GJC3: variants seen among roughly 807,000 people sequenced by gnomAD.
GJC3 encodes gap junction protein gamma 3.
GJC3 carries 17 observed loss-of-function variants against 19.8 expected under a neutral mutation model. The ratio of observed to expected loss-of-function variants is 0.86; its 90% CI spans 0.59 to 1.29. GJC3 has a LOEUF of 1.29. Ranked by LOEUF, GJC3 falls within the 50% of genes most tolerant of loss-of-function variation. The pLI, the probability that GJC3 is intolerant of heterozygous loss-of-function variation, is 0.00. For missense variants in GJC3, 317 were observed against 332.5 expected (o/e 0.95, Z 0.36); for synonymous variants, 140 against 136.5 (o/e 1.03, Z -0.18).
upstream of GJC3, chr7:99,929,843 C>T (rs938800196): frequency 1.3e-5 from 8 of 604,230 alleles, no homozygotes; most frequent in South Asian, 1.6e-4. Flanking sequence ...TGGTGTGGCT[C>T]TCTCTTCTGC....
intron 1 of GJC3, among the ~76,000 whole-genome samples, chr7:99,926,703 GT>G (rs954884969): frequency 7.2e-5 from 11 of 152,074 alleles, no homozygotes; most frequent in Non-Finnish European, 1.5e-5. Flanking sequence ...AGGGGGTAGG[GT>G]TTTTTTAAGT....
At chr7:99,927,602 G>A (rs762148676) in intron 1 of GJC3, among the ~76,000 whole-genome samples, 19 of 151,748 alleles carry the variant, frequency 1.3e-4, no homozygotes, top group Non-Finnish European at 1.8e-4. Context: ...GAATTTCAGG[G>A]CAAGAGAAAA....
chr7:99,927,218 T>C (rs888959460), intron 1 of GJC3, among the ~76,000 whole-genome samples: 5 of 152,216 alleles, frequency 3.3e-5, no homozygotes, highest in African/African-American at 1.2e-4. Context: ...CAAGGAAAGT[T>C]AGAGTTTTCC....
Position 99,928,939 on chromosome 7 carries a change from A to G in GJC3, c.682T>C (p.Ser228Pro). 1.2e-6 allele frequency: 2 copies of G among 1,614,160 alleles called. No homozygotes were observed. The highest frequency in any genetic ancestry group is 1.7e-6 in the Non-Finnish European group (2 of 1,180,022). ...WWRTWKHKSSSSKYFLTSEST... is the reference protein window; with the variant it reads ...WWRTWKHKSSPSKYFLTSEST... ...TCTGAAGTTAGGAAGTATTTAGAAGAGGAAGATTTGTGCTTCCAGGTCCTC... is the reference window on the plus strand; with the variant it reads ...TCTGAAGTTAGGAAGTATTTAGAAGGGGAAGATTTGTGCTTCCAGGTCCTC... Residue 228 changes from serine to proline, a missense_variant, in exon 1 of 2, where the codon TCT (serine) becomes CCT (proline). Coordinates refer to ENST00000312891, the MANE Select transcript of GJC3 (RefSeq NM_181538.3).
intron 1 of GJC3, among the ~76,000 whole-genome samples, chr7:99,926,433 ATAAACAAAATGTGGTATCTCCT>A (rs1819801148): frequency 6.6e-6 from 1 of 152,212 alleles, no homozygotes; most frequent in Admixed American, 6.5e-5. Context: ...TGAAGAATGT[ATAAACAAAATGTGGTATCTCCT>A]TAAACAAAAT....
chr7:99,926,931 AAG>A (rs1290620388), intron 1 of GJC3, among the ~76,000 whole-genome samples: 1 of 152,228 alleles, frequency 6.6e-6, no homozygotes, highest in Admixed American at 6.5e-5. Flanking sequence ...TTGAAAACCA[AAG>A]TACACGCCAC....
At chr7:99,927,552 T>C (rs193178793) in intron 1 of GJC3, among the ~76,000 whole-genome samples, 431 of 151,310 alleles carry the variant, frequency 2.8e-3, no homozygotes, top group Middle Eastern at 0.01. Flanking sequence ...TAATTTGGGA[T>C]TCAGAAAGAG....
Position 99,929,095 on chromosome 7 carries a change from C to T in GJC3, c.526G>A (p.Gly176Ser). Residue 176 changes from glycine (G) to serine (S), a missense_variant, in exon 1 of 2, where the codon GGT becomes AGT. Transcript: ENST00000312891. ...SFACRREPCL[G>S]SITCNLSRPS... Reference sequence around the variant, plus strand: ...CGGGACAGATTGCAGGTTATACTACCAAGGCAAGGTTCTCGGCGACATGCA... The same window carrying T: ...CGGGACAGATTGCAGGTTATACTACTAAGGCAAGGTTCTCGGCGACATGCA... 6.2e-7 allele frequency: 1 copy of T among 1,613,922 alleles called. No individual in the cohort carries two copies. The highest frequency in any genetic ancestry group is 2.2e-5 in the East Asian group (1 of 44,870).
At chr7:99,925,476 A>C (rs995869444) in intron 1 of GJC3, among the ~76,000 whole-genome samples, 4 of 152,212 alleles carry the variant, frequency 2.6e-5, no homozygotes, top group African/African-American at 9.6e-5. Context: ...ATGGCTGTGA[A>C]TTAGGCAATA....
chr7:99,929,310 T>G lies in GJC3; in HGVS notation c.311A>C (p.Glu104Ala). 6.2e-7 allele frequency: 1 copy of G among 1,613,914 alleles called. No individual in the cohort carries two copies. Among genetic ancestry groups the G allele is most frequent in the Non-Finnish European group, 8.5e-7 (1 of 1,179,970 alleles). The part of the protein sequence containing the change: ...FTLYHVIWHW[E>A]LSGKGKEEET... The stretch of plus-strand genomic sequence containing the variant: ...CTCCTCCTTCCCCTTTCCTGATAAT[T>G]CCCAGTGCCAGATCACGTGATACAG... The change falls in exon 1 of 2, where the codon GAA becomes GCA. Residue 104 changes from glutamate to alanine, a missense_variant. Transcript: ENST00000312891.
chr7:99,925,106 A>C (rs1176911079), intron 1 of GJC3, among the ~76,000 whole-genome samples: 2 of 152,218 alleles, frequency 1.3e-5, no homozygotes, highest in African/African-American at 4.8e-5. Flanking sequence ...CAACAGGGTG[A>C]TTACAGTCAA....
chr7:99,930,059 C>T (rs1448670743), upstream of GJC3, among the ~76,000 whole-genome samples: 1 of 152,214 alleles, frequency 6.6e-6, no homozygotes, highest in Non-Finnish European at 1.5e-5. Flanking sequence ...GCTCCTACAG[C>T]ATCATCTTAA....
At chr7:99,929,636 A>G, upstream of GJC3, 3 of 1,591,778 alleles carry the variant, frequency 1.9e-6, no homozygotes, top group Non-Finnish European at 1.7e-6. Flanking sequence ...TTTGGAGCAG[A>G]GGACAAGAGA....
In GJC3 at chr7:99,929,517, A is replaced by C; in HGVS notation, c.104T>G (p.Leu35Arg). The C allele has an allele frequency of 6.2e-7, 1 of 1,614,174 alleles. No homozygotes were observed. Among genetic ancestry groups the C allele is most frequent in the South Asian group, 1.1e-5 (1 of 91,082 alleles). Reference protein sequence around the residue: ...LPVLLGFRLVLLAASGPGVYG... With the variant: ...LPVLLGFRLVRLAASGPGVYG... ...GACTCCAGGCCCACTGGCAGCCAGC[A>C]GCACAAGGCGGAATCCCAGGAGCAC... The change falls in exon 1 of 2, where the codon CTG (leucine) becomes CGG (arginine). Residue 35 changes from leucine to arginine, a missense_variant. Leu to Arg is a moderately radical substitution (Grantham distance 102). Coordinates refer to ENST00000312891, the MANE Select transcript of GJC3 (RefSeq NM_181538.3).
chr7:99,929,734 C>G (rs1452865351), upstream of GJC3: 2 of 945,094 alleles, frequency 2.1e-6, no homozygotes, highest in African/African-American at 3.3e-5. Flanking sequence ...CTTTTTTATT[C>G]CTCTCCAAGT....
chr7:99,924,121 C>T (rs1422485699), intron 1 of GJC3, among the ~76,000 whole-genome samples: 12 of 152,158 alleles, frequency 7.9e-5, no homozygotes, highest in South Asian at 6.2e-4. Context: ...ATACAAAAAC[C>T]GTCATCACAT....
At chr7:99,924,592 A>T (rs1302281851) in intron 1 of GJC3, among the ~76,000 whole-genome samples, 2 of 152,240 alleles carry the variant, frequency 1.3e-5, no homozygotes, top group Non-Finnish European at 2.9e-5. Flanking sequence ...AAGAAAAAAA[A>T]GTGAGTAGTT....
At chr7:99,928,002 C>G (rs555467722) in intron 1 of GJC3, among the ~76,000 whole-genome samples, 2 of 152,094 alleles carry the variant, frequency 1.3e-5, no homozygotes, top group African/African-American at 4.8e-5. Flanking sequence ...AGGATATGGC[C>G]GGGTATTTGG....
Position 99,928,964 on chromosome 7 carries a change from C to T in GJC3, c.657G>A (p.Trp219Ter). 1 of 1,614,164 alleles carries T rather than the reference C, an allele frequency of 6.2e-7. No homozygotes were observed. Among genetic ancestry groups the T allele is most frequent in the South Asian group, 1.1e-5 (1 of 91,078 alleles). Residue 219 changes from tryptophan to a stop codon, truncating the protein, a stop_gained, in exon 1 of 2, where the codon TGG (tryptophan) becomes TGA (stop). Coordinates refer to ENST00000312891, the MANE Select transcript of GJC3 (RefSeq NM_181538.3). LOFTEE classifies it high-confidence loss of function. The stretch of plus-strand genomic sequence containing the variant: ...AGGAAGATTTGTGCTTCCAGGTCCT[C>T]CACCATCTCCCCAAACCCAGAAGCA... ...ELVLLGLGRWWRTWKHKSSSS... is the reference protein window; with the variant it reads ...ELVLLGLGRW
Sources: allele counts gnomAD v4.1 joint callset (sites outside exome capture counted in the v4.1 genomes callset), GRCh38; gene constraint gnomAD v4.1.1; transcripts MANE v1.5; gene names NCBI Gene and HGNC (gene_info 2026-07-23, HGNC 2026-07-21).